The following TMEM242 variants were observed in gnomAD, a reference collection of about 807,000 sequenced individuals.
TMEM242 encodes UPF0463 transmembrane protein C6orf35.
Under a neutral mutation model 18.2 loss-of-function variants are expected in TMEM242, and 10 were observed. That is an observed-to-expected ratio of 0.55 (90% CI 0.34 to 0.93). The LOEUF is 0.93. TMEM242 is among the 40% of genes least tolerant of loss of function. The probability of loss-of-function intolerance (pLI) is 0.02; values close to 1 mark genes in which losing one functional copy is unlikely to be tolerated. For synonymous variants in TMEM242, 57 were observed against 69.9 expected, an observed-to-expected ratio of 0.81 and a Z score of 0.92; for missense variants, 186 against 175.5, an observed-to-expected ratio of 1.06 and a Z score of -0.34.
chr6:157,309,967 T>G (rs1554248196), intron 3 of TMEM242, among the ~76,000 whole-genome samples: 1 of 152,134 alleles, frequency 6.6e-6, no homozygotes, highest in African/African-American at 2.4e-5. Context: ...GCCAGTCCTT[T>G]GAGATAACCA....
intron 3 of TMEM242, among the ~76,000 whole-genome samples, chr6:157,309,948 G>A (rs1346496543): frequency 6.6e-6 from 1 of 152,100 alleles, no homozygotes; most frequent in Non-Finnish European, 1.5e-5. Context: ...GGTTAGCAAT[G>A]TTCATTCTGC....
chr6:157,311,116 T>A (rs1778049889), intron 3 of TMEM242, among the ~76,000 whole-genome samples: 1 of 150,182 alleles, frequency 6.7e-6, no homozygotes, highest in African/African-American at 2.5e-5. Flanking sequence ...CAGTGTGCAC[T>A]CACCTAGCCC....
At position 157,293,125 on chromosome 6, in the gene TMEM242, TA is replaced by T. The variant is rs1454009576; in HGVS notation, c.328-127del. On this transcript the variant is annotated intron_variant, in intron 3 of 3. Transcript: ENST00000400788. Reference sequence around the variant, plus strand: ...CAGATACAGAGCTAAGGAACATCAATAAAAGATAGGGACTATATATATCCTA... The same window carrying T: ...CAGATACAGAGCTAAGGAACATCAATAAAGATAGGGACTATATATATCCTA... 3 of 635,780 alleles carry T rather than the reference TA, an allele frequency of 4.7e-6. No homozygotes were observed. The African/African-American group carries it at 5.5e-5, about 12-fold the overall frequency. 39.4% of individuals were successfully genotyped at this position (635,780 alleles called of 1,614,324 possible). A position where few individuals can be genotyped will look rare whatever the true frequency, so the allele number is the denominator to read the frequency against.
At chr6:157,309,909 T>C (rs1199813086) in intron 3 of TMEM242, among the ~76,000 whole-genome samples, 2 of 152,190 alleles carry the variant, frequency 1.3e-5, no homozygotes, top group East Asian at 1.9e-4. Context: ...CTAGGCATCA[T>C]GAATGCATTC....
Position 157,298,266 on chromosome 6 carries a change from T to C in TMEM242, c.328-5267A>G, listed in dbSNP as rs138053809. On this transcript the variant is annotated intron_variant, in intron 3 of 3. Transcript: ENST00000400788. ...CAGGTTCTCAGGAGCGATTCTAAAA[T>C]GATTTTTACTCAGTCAGGCTTTATT... 2.6e-3 allele frequency among the ~76,000 whole-genome samples: 392 copies of C among 152,340 alleles called. 6 individuals are homozygous for C. The highest frequency in any genetic ancestry group is 0.014 in the East Asian group (71 of 5,190).
In TMEM242 at chr6:157,305,800, G is replaced by C. The variant is rs1411250912; in HGVS notation, c.328-12801C>G. 6.6e-6 allele frequency among the ~76,000 whole-genome samples: 1 copy of C among 152,158 alleles called. No homozygotes were observed. Among genetic ancestry groups the C allele is most frequent in the Non-Finnish European group, 1.5e-5 (1 of 68,024 alleles). ...GTTGCTGGGAGGGCAAGTAACAGAG[G>C]ATAAAGTAAGATCTGGCAACAAGGA... On this transcript the variant is annotated intron_variant, in intron 3 of 3. Coordinates refer to ENST00000400788, the MANE Select transcript of TMEM242 (RefSeq NM_018452.6). This position sits in a 1 kb window ranked among gnomAD's most constrained non-coding sequence, Gnocchi z 4.1.
chr6:157,308,913 C>T (rs2128414092), intron 3 of TMEM242, among the ~76,000 whole-genome samples: 1 of 152,192 alleles, frequency 6.6e-6, no homozygotes, highest in East Asian at 1.9e-4. Flanking sequence ...TAAAAATGCA[C>T]TTTGACTCAA....
At chr6:157,313,071 C>G (rs62425602) in intron 3 of TMEM242, among the ~76,000 whole-genome samples, 3,718 of 55,444 alleles carry the variant, frequency 0.067, 40 homozygotes, top group East Asian at 0.15. Context: ...TCATAGGGTC[C>G]CAGTATGCAC....
intron 3 of TMEM242, among the ~76,000 whole-genome samples, chr6:157,312,928 T>A (rs111263801): frequency 8.7e-5 from 1 of 11,446 alleles, no homozygotes; most frequent in African/African-American, 3.5e-4. Flanking sequence ...GGCATCATCA[T>A]AGTGCCCCAG....
chr6:157,319,611 A>G (rs183779806), intron 2 of TMEM242, among the ~76,000 whole-genome samples: 11 of 152,346 alleles, frequency 7.2e-5, no homozygotes, highest in African/African-American at 2.6e-4. Flanking sequence ...GTTTTGCATG[A>G]CACACAGCTA....
At chr6:157,322,662 G>T (rs1554250804) in intron 2 of TMEM242, 43 bp downstream of exon 2, 6 of 1,545,488 alleles carry the variant, frequency 3.9e-6, no homozygotes, top group Non-Finnish European at 5.3e-6. Context: ...GCCATATATT[G>T]TAAACAATAA....
At position 157,303,308 on chromosome 6, in the gene TMEM242, C is replaced by T. The variant is rs587673376; in HGVS notation, c.328-10309G>A. On this transcript the variant is annotated intron_variant, in intron 3 of 3. Coordinates refer to ENST00000400788, the MANE Select transcript of TMEM242 (RefSeq NM_018452.6). ...TGAGAGAGACAGAAAGGCGGGGCCA[C>T]AGACCCCATCTAGAGAGAGTTCTGA... 4.6e-5 allele frequency among the ~76,000 whole-genome samples: 7 copies of T among 152,282 alleles called. No individual in the cohort carries two copies. In the South Asian group the frequency reaches 1.2e-3, roughly 27 times the overall value.
At chr6:157,311,239 T>TCCGAATGTGCGCTCA (rs1778066521) in intron 3 of TMEM242, among the ~76,000 whole-genome samples, 3 of 14,118 alleles carry the variant, frequency 2.1e-4, no homozygotes, top group Non-Finnish European at 3.3e-4. Flanking sequence ...CATCATAGTG[T>TCCGAATGTGCGCTCA]CCCAGTGTGC....
At chr6:157,310,076 T>A (rs984485170) in intron 3 of TMEM242, among the ~76,000 whole-genome samples, 1 of 152,198 alleles carries the variant, frequency 6.6e-6, no homozygotes. Context: ...ATATTTAATG[T>A]TTCTCCTTCT....
At chr6:157,293,052 G>A in intron 3 of TMEM242, 53 bp from the exon 4 acceptor site, 2 of 1,404,024 alleles carry the variant, frequency 1.4e-6, no homozygotes, top group South Asian at 2.3e-5. Context: ...GAGAAAAACA[G>A]CTATTAGAGA....
At chr6:157,303,838 A>AG (rs35013252) in intron 3 of TMEM242, among the ~76,000 whole-genome samples, 1,045 of 47,834 alleles carry the variant, frequency 0.022, 13 homozygotes, top group African/African-American at 0.072. Context: ...TGGCGGGGGG[A>AG]GGGGGGGGTC....
At chr6:157,318,994 T>A (rs1778453558) in intron 2 of TMEM242, 75 bp from the exon 3 acceptor site, 1 of 1,412,244 alleles carries the variant, frequency 7.1e-7, no homozygotes, top group Admixed American at 2.6e-5. Context: ...TGTTTGCAAA[T>A]TCCTCTCTGT....
chr6:157,322,759 T>A lies in TMEM242; in HGVS notation c.135A>T (p.Gly45=), dbSNP rs1583578617. The change falls in exon 2 of 4, where the codon GGA becomes GGT. Residue 45 remains glycine, a synonymous_variant. Transcript: ENST00000400788. ...TAGCCAATGATAATGTTGTAATAAA[T>A]CCAGCTAGCATTCCCGCTGCAGCAA... The part of the protein sequence containing the change: ...GTVAAAGMLA[G]FITTLSLAKK... The A allele has an allele frequency of 1.2e-6, 2 of 1,613,950 alleles. No individual in the cohort carries two copies. The highest frequency in any genetic ancestry group is 4.5e-5 in the East Asian group (2 of 44,870).
chr6:157,294,620 G>T lies in TMEM242; in HGVS notation c.328-1621C>A, dbSNP rs587698573. Among the ~76,000 whole-genome samples, 53 of 152,224 alleles carry T rather than the reference G, an allele frequency of 3.5e-4. No homozygotes were observed. The South Asian group carries it at 0.011, about 30-fold the overall frequency. On this transcript the variant is annotated intron_variant, in intron 3 of 3. Transcript: ENST00000400788. ...CCGCCTCGGCCTCCCAAAGTGCTGG[G>T]ATTACAGGCGTGAACCACCGCGCCC...
Sources: gnomAD v4.1 joint callset for allele counts (sites outside exome capture counted in the v4.1 genomes callset) on GRCh38, gnomAD v4.1.1 for gene constraint, Gnocchi (gnomAD v3.1) non-coding constraint, MANE v1.5 for transcripts, NCBI Gene and HGNC (gene_info 2026-07-23, HGNC 2026-07-21) for gene names.